The following FAAH2 variants were observed in gnomAD, a reference collection of about 807,000 sequenced individuals.
The protein encoded by FAAH2 is fatty-acid amide hydrolase 2.
Under a neutral mutation model 36.9 loss-of-function variants are expected in FAAH2, and 60 were observed. That is an observed-to-expected ratio of 1.63 (90% confidence interval 1.32 to 2.02). FAAH2 has a LOEUF of 2.02. Ranked by LOEUF, FAAH2 falls within the 30% of genes most tolerant of loss-of-function variation. The pLI is 0.00. For synonymous variants in FAAH2, 214 were observed against 143.8 expected (o/e 1.49, Z -3.49); for missense variants, 689 against 397.5 (o/e 1.73, Z -6.23).
intron 2 of FAAH2, among the ~76,000 whole-genome samples, chrX:57,295,248 G>A (rs1194603480): frequency 1.8e-5 from 2 of 111,986 alleles, no homozygotes; most frequent in East Asian, 5.6e-4. Context: ...CTAGAGTGTG[G>A]GAAGAAATAG....
At chrX:57,287,924 A>AC (rs2051855171) in intron 1 of FAAH2, among the ~76,000 whole-genome samples, 1 of 110,712 alleles carries the variant, frequency 9.0e-6, no homozygotes, top group Non-Finnish European at 1.9e-5. Flanking sequence ...TTTGTATTGT[A>AC]CTCCTGGTTA....
intron 10 of FAAH2, among the ~76,000 whole-genome samples, chrX:57,486,672 C>T (rs2057479883): frequency 9.0e-6 from 1 of 111,454 alleles, no homozygotes; most frequent in Non-Finnish European, 1.9e-5. Context: ...TGTAAAGCAC[C>T]CCACAATGAT....
At chrX:57,194,669 A>G in the FAAH2 span, among the ~76,000 whole-genome samples, 1 of 109,652 alleles carries the variant, frequency 9.1e-6, no homozygotes, top group Non-Finnish European at 1.9e-5. Flanking sequence ...GATTTCTGAG[A>G]TTTTGGTGGA....
At chrX:57,137,420 C>G in the FAAH2 span, 3 of 711,095 alleles carry the variant, frequency 4.2e-6, no homozygotes, top group Non-Finnish European at 5.0e-6. Context: ...GTCCCCAGCG[C>G]TTCGCTCGCT....
At chrX:57,349,781 A>T (rs1012462993) in intron 5 of FAAH2, among the ~76,000 whole-genome samples, 1 of 109,962 alleles carries the variant, frequency 9.1e-6, no homozygotes, top group South Asian at 3.8e-4. Flanking sequence ...TCAACTGAAT[A>T]TGAAAGTTAT....
chrX:57,258,816 C>T, the FAAH2 span, among the ~76,000 whole-genome samples: 1 of 106,772 alleles, frequency 9.4e-6, no homozygotes, highest in Non-Finnish European at 1.9e-5. Context: ...TCACGCCATT[C>T]TCCTGCCTCA....
chrX:57,238,066 A>G, the FAAH2 span, among the ~76,000 whole-genome samples: 6 of 111,915 alleles, frequency 5.4e-5, no homozygotes, highest in African/African-American at 1.9e-4. Context: ...TAACTAGTTC[A>G]ACCATTGTGA....
intron 8 of FAAH2, among the ~76,000 whole-genome samples, chrX:57,438,549 C>T (rs1200083880): frequency 1.8e-5 from 2 of 110,093 alleles, no homozygotes; most frequent in Admixed American, 9.7e-5. Context: ...ATCATAACAT[C>T]AGTGTCATTT....
At chrX:57,210,619 G>A in the FAAH2 span, among the ~76,000 whole-genome samples, 3 of 112,534 alleles carry the variant, frequency 2.7e-5, no homozygotes, top group East Asian at 8.4e-4. Flanking sequence ...CTTTCAAAGA[G>A]CATCTACAAA....
intron 10 of FAAH2, among the ~76,000 whole-genome samples, chrX:57,478,381 G>A (rs767187769): frequency 9.0e-6 from 1 of 111,197 alleles, no homozygotes; most frequent in Admixed American, 9.6e-5. Flanking sequence ...TGTAGATTCT[G>A]GATATTAGCC....
the FAAH2 span, among the ~76,000 whole-genome samples, chrX:57,205,809 G>T: frequency 8.9e-6 from 1 of 112,182 alleles, no homozygotes; most frequent in African/African-American, 3.2e-5. Context: ...CATGAAGTCA[G>T]CTAAATGGGT....
rs144941592 is a variant in FAAH2, at chrX:57,363,578, T to G, written c.743-15073T>G. 7.2e-4 allele frequency among the ~76,000 whole-genome samples: 80 copies of G among 111,570 alleles called. 1 individual carries two copies. The East Asian group carries it at 0.021, about 29-fold the overall frequency. On this transcript the variant is annotated intron_variant, in intron 5 of 10. Coordinates refer to ENST00000374900, the MANE Select transcript of FAAH2 (RefSeq NM_174912.4). ...TTTTCTTACTCTTGCCTGATTGCTC[T>G]GGCTAGGACTTCCCAGCACTATGTT...
chrX:57,248,644 T>C, the FAAH2 span, among the ~76,000 whole-genome samples: 1 of 102,207 alleles, frequency 9.8e-6, no homozygotes, highest in Non-Finnish European at 2.0e-5. Flanking sequence ...TCCCAGATAC[T>C]GGGGAGGCTG....
At chrX:57,374,820 G>C (rs754761410) in intron 5 of FAAH2, among the ~76,000 whole-genome samples, 3 of 110,890 alleles carry the variant, frequency 2.7e-5, no homozygotes, top group African/African-American at 9.9e-5. Context: ...ACTTTTCCCC[G>C]TTCAGTATTA....
chrX:57,445,225 A>G (rs1009822700), intron 8 of FAAH2, among the ~76,000 whole-genome samples: 4 of 111,479 alleles, frequency 3.6e-5, no homozygotes, highest in Non-Finnish European at 7.5e-5. Context: ...TAAGCTGAGG[A>G]ATGCTGTGAC....
chrX:57,205,741 T>C, the FAAH2 span, among the ~76,000 whole-genome samples: 2 of 112,432 alleles, frequency 1.8e-5, no homozygotes, highest in African/African-American at 6.5e-5. Flanking sequence ...AGAATCCAAT[T>C]AGTTAATTTC....
the FAAH2 span, among the ~76,000 whole-genome samples, chrX:57,249,046 G>A: frequency 9.0e-6 from 1 of 110,843 alleles, no homozygotes; most frequent in Non-Finnish European, 1.9e-5. Context: ...GAGTGCTTTT[G>A]TGATGTAGTT....
intron 3 of FAAH2, among the ~76,000 whole-genome samples, chrX:57,327,576 C>T (rs1430278506): frequency 9.0e-6 from 1 of 111,206 alleles, no homozygotes; most frequent in African/African-American, 3.3e-5. Flanking sequence ...CTTCTCACTT[C>T]ATTTCATTCA....
rs200156208 is a variant in FAAH2 at position 57,327,598 on chromosome X, A to G, written c.413-4000A>G. On this transcript the variant is annotated intron_variant, in intron 3 of 10. Coordinates refer to ENST00000374900, the MANE Select transcript of FAAH2 (RefSeq NM_174912.4). ...CTTCATTTCATTCATTTGATCTTCC[A>G]TCACTGGTACCCTTTCTTCCACTTG... is the stretch of plus-strand genomic sequence containing the variant. Among the ~76,000 whole-genome samples the G allele has an allele frequency of 9.1e-3, 1,013 of 110,797 alleles. 33 individuals carry two copies. In the East Asian group the frequency reaches 0.13, roughly 14 times the overall value.
Sources: allele counts gnomAD v4.1 joint callset (sites outside exome capture counted in the v4.1 genomes callset), GRCh38; gene constraint gnomAD v4.1.1; transcripts MANE v1.5; gene names NCBI Gene and HGNC (gene_info 2026-07-23, HGNC 2026-07-21).